The following BMP8A variants were observed in gnomAD, a reference collection of about 807,000 sequenced individuals.
The protein encoded by BMP8A is BMP-8A.
A neutral mutation model predicts 36.8 loss-of-function variants in BMP8A; 14 were observed. The ratio of observed to expected loss-of-function variants is 0.38; its 90% CI spans 0.25 to 0.60. The LOEUF is 0.60. BMP8A is among the 20% of genes least tolerant of loss of function. BMP8A has a pLI of 0.63. For synonymous variants in BMP8A, 120 were observed against 237.7 expected, an observed-to-expected ratio of 0.50 and a Z score of 4.55; for missense variants, 267 against 551.1, an observed-to-expected ratio of 0.48 and a Z score of 5.16.
At chr1:39,512,779 T>TCTCA (rs2124362468) in intron 3 of BMP8A, among the ~76,000 whole-genome samples, 1 of 152,390 alleles carries the variant, frequency 6.6e-6, no homozygotes, top group Admixed American at 6.5e-5. Context: ...GCCCCCTCCG[T>TCTCA]GAACCCGAAA....
intron 1 of BMP8A, among the ~76,000 whole-genome samples, chr1:39,509,307 CAG>C (rs1015231988): frequency 3.9e-5 from 6 of 152,326 alleles, no homozygotes; most frequent in South Asian, 2.1e-4. Flanking sequence ...CCATGTAACA[CAG>C]GGGGATCTGC....
Position 39,526,935 on chromosome 1 carries a change from C to A in BMP8A, c.*1137C>A, listed in dbSNP as rs962685517. Among the ~76,000 whole-genome samples, 2 of 152,198 alleles carry A rather than the reference C, an allele frequency of 1.3e-5. No homozygotes were observed. The highest frequency in any genetic ancestry group is 2.9e-5 in the Non-Finnish European group (2 of 68,034). On this transcript the variant is annotated 3_prime_UTR_variant, in exon 7 of 7. Coordinates refer to ENST00000331593, the MANE Select transcript of BMP8A (RefSeq NM_181809.4). ...TTCCCACTGAACCAGGACAGGGCCT[C>A]CAGGCCTCAGCACAGAACTGCAGAC... is the stretch of plus-strand genomic sequence containing the variant.
rs186999705 is a variant in BMP8A at position 39,524,159 on chromosome 1, G to A, written c.1059+1042G>A. The stretch of plus-strand genomic sequence containing the variant: ...AAAGGCCCAGGGGTGATGAGGACGC[G>A]TGGGGTGGCCTGGCCCAGCCACCCT... On this transcript the variant is annotated intron_variant, in intron 6 of 6. Coordinates refer to ENST00000331593, the MANE Select transcript of BMP8A (RefSeq NM_181809.4). This position sits in a 1 kb window ranked among gnomAD's most constrained non-coding sequence, Gnocchi z 4.0. 5.3e-5 allele frequency among the ~76,000 whole-genome samples: 8 copies of A among 152,338 alleles called. No individual in the cohort carries two copies. The highest frequency in any genetic ancestry group is 1.9e-4 in the East Asian group (1 of 5,186).
chr1:39,509,984 CTTTG>C (rs1010027419), intron 1 of BMP8A, among the ~76,000 whole-genome samples: 20 of 151,926 alleles, frequency 1.3e-4, no homozygotes, highest in African/African-American at 3.4e-4. Flanking sequence ...CAACTACAGC[CTTTG>C]TTTGATTGGC....
intron 3 of BMP8A, among the ~76,000 whole-genome samples, chr1:39,517,832 A>G (rs1404049167): frequency 1.3e-5 from 2 of 152,284 alleles, no homozygotes; most frequent in African/African-American, 4.8e-5. Context: ...GCCGGTCCTG[A>G]AATCCACCAG....
chr1:39,498,760 A>G (rs138198961), intron 1 of BMP8A, among the ~76,000 whole-genome samples: 8,182 of 151,860 alleles, frequency 0.054, 670 homozygotes, highest in African/African-American at 0.19. Flanking sequence ...TGCCTGTGGG[A>G]CCAGCCAGGC....
intron 1 of BMP8A, among the ~76,000 whole-genome samples, chr1:39,497,380 G>C (rs1238829397): frequency 6.6e-6 from 1 of 152,192 alleles, no homozygotes; most frequent in East Asian, 1.9e-4. Context: ...TGGCCAGCTG[G>C]AAGCCGACAC....
chr1:39,497,879 C>T (rs1326112987), intron 1 of BMP8A, among the ~76,000 whole-genome samples: 2 of 152,194 alleles, frequency 1.3e-5, no homozygotes, highest in Non-Finnish European at 2.9e-5. Context: ...TGGGGGCCAA[C>T]AATGGGTGCC....
intron 1 of BMP8A, among the ~76,000 whole-genome samples, chr1:39,506,358 A>G (rs1220023219): frequency 3.3e-5 from 5 of 151,912 alleles, no homozygotes; most frequent in African/African-American, 1.2e-4. Flanking sequence ...ACAGGCACCT[A>G]CCACCACGCC....
At chr1:39,504,546 G>C (rs1017487374) in intron 1 of BMP8A, among the ~76,000 whole-genome samples, 6 of 152,168 alleles carry the variant, frequency 3.9e-5, no homozygotes, top group African/African-American at 1.4e-4. Context: ...AGTCGGTATA[G>C]TGTGAGACTC....
At chr1:39,519,361 C>A (rs546635018) in intron 3 of BMP8A, among the ~76,000 whole-genome samples, 2 of 141,052 alleles carry the variant, frequency 1.4e-5, no homozygotes, top group South Asian at 4.6e-4. Context: ...TGTGACCTCA[C>A]TTGTCTTTTC....
In BMP8A at chr1:39,528,265, C is replaced by T. The variant is rs779214505; in HGVS notation, c.*2467C>T. Among the ~76,000 whole-genome samples the T allele has an allele frequency of 6.6e-6, 1 of 152,216 alleles. No homozygotes were observed. The highest frequency in any genetic ancestry group is 1.5e-5 in the Non-Finnish European group (1 of 68,034). Reference sequence around the variant, plus strand: ...GCAACTTTAGCCACCCACCAAATGACATCACATACAGAAGGCCTCAGAAAG... The same window carrying T: ...GCAACTTTAGCCACCCACCAAATGATATCACATACAGAAGGCCTCAGAAAG... On this transcript the variant is annotated 3_prime_UTR_variant, in exon 7 of 7. Coordinates refer to ENST00000331593, the MANE Select transcript of BMP8A (RefSeq NM_181809.4).
intron 1 of BMP8A, among the ~76,000 whole-genome samples, chr1:39,503,508 CTTTTTT>C (rs35892449): frequency 1.4e-5 from 1 of 69,960 alleles, no homozygotes; most frequent in African/African-American, 5.6e-5. Flanking sequence ...TACAGTCTTT[CTTTTTT>C]TTTTTTTTTT....
chr1:39,522,989 T>G lies in BMP8A; in HGVS notation c.949-18T>G, dbSNP rs781338426. On this transcript the variant is annotated intron_variant, in intron 5 of 6. Coordinates refer to ENST00000331593, the MANE Select transcript of BMP8A (RefSeq NM_181809.4). Reference sequence around the variant, plus strand: ...GAGGAGCACATGGATGGGACTCACCTTCTCCCTTGCCCCCCAGGACTGGGT... The same window carrying G: ...GAGGAGCACATGGATGGGACTCACCGTCTCCCTTGCCCCCCAGGACTGGGT... 1.9e-6 allele frequency: 3 copies of G among 1,586,454 alleles called. No homozygotes were observed. Among genetic ancestry groups the G allele is most frequent in the Non-Finnish European group, 2.6e-6 (3 of 1,163,706 alleles).
chr1:39,517,799 G>T (rs1303432078), intron 3 of BMP8A, among the ~76,000 whole-genome samples: 41 of 152,304 alleles, frequency 2.7e-4, no homozygotes, highest in African/African-American at 9.9e-4. Context: ...CGGGTGATGG[G>T]AGAGACTGAG....
In BMP8A at chr1:39,524,296, T is replaced by C. The variant is rs1239783915; in HGVS notation, c.1059+1179T>C. Among the ~76,000 whole-genome samples, 1 of 151,944 alleles carries C rather than the reference T, an allele frequency of 6.6e-6. No homozygotes were observed. Among genetic ancestry groups the C allele is most frequent in the Non-Finnish European group, 1.5e-5 (1 of 67,984 alleles). ...GCCCTTGCCCCTGCCCCTCAGGGGC[T>C]CAACTAGAGTGAGTGCTCACAGCCT... On this transcript the variant is annotated intron_variant, in intron 6 of 6. Coordinates refer to ENST00000331593, the MANE Select transcript of BMP8A (RefSeq NM_181809.4). This position sits in a 1 kb window ranked among gnomAD's most constrained non-coding sequence, Gnocchi z 4.0.
chr1:39,519,768 ATGTC>A (rs1384196008), intron 3 of BMP8A, among the ~76,000 whole-genome samples: 10 of 151,368 alleles, frequency 6.6e-5, no homozygotes, highest in Admixed American at 5.3e-4. Flanking sequence ...TGTGTGTGTG[ATGTC>A]TGTCTGAGCG....
At chr1:39,499,693 G>A (rs996981094) in intron 1 of BMP8A, among the ~76,000 whole-genome samples, 1 of 152,198 alleles carries the variant, frequency 6.6e-6, no homozygotes, top group Non-Finnish European at 1.5e-5. Context: ...TGGAGGAGGA[G>A]GCTGAGGGCT....
chr1:39,527,641 C>T lies in BMP8A; in HGVS notation c.*1843C>T, dbSNP rs1557698032. Among the ~76,000 whole-genome samples the T allele has an allele frequency of 6.6e-6, 1 of 152,318 alleles. No homozygotes were observed. The highest frequency in any genetic ancestry group is 6.5e-5 in the Admixed American group (1 of 15,302). On this transcript the variant is annotated 3_prime_UTR_variant, in exon 7 of 7. Coordinates refer to ENST00000331593, the MANE Select transcript of BMP8A (RefSeq NM_181809.4). The stretch of plus-strand genomic sequence containing the variant: ...GCAGAGGAAGAGACCCTCTCATGTA[C>T]ATAAAGGGTGGGCCCAGGCTGTCTG...
Sources: gnomAD v4.1 joint callset for allele counts (sites outside exome capture counted in the v4.1 genomes callset) on GRCh38, gnomAD v4.1.1 for gene constraint, Gnocchi (gnomAD v3.1) non-coding constraint, MANE v1.5 for transcripts, NCBI Gene and HGNC (gene_info 2026-07-23, HGNC 2026-07-21) for gene names.